Variants in ABL1 observed in about 807,000 individuals in gnomAD.
The protein encoded by ABL1 is tyrosine-protein kinase ABL1.
A neutral mutation model predicts 94.7 loss-of-function variants in ABL1; 11 were observed. The ratio of observed to expected loss-of-function variants is 0.12; its 90% CI spans 0.07 to 0.19. The LOEUF (loss-of-function observed/expected upper bound fraction) is 0.19, where lower values mean the gene tolerates loss of function less well. Among genes scored for constraint, ABL1 ranks in the 10% least tolerant of loss-of-function variants. ABL1 has a pLI of 1.00. For missense variants in ABL1, 1,082 were observed against 1,489.4 expected (o/e 0.73, Z 4.50); for synonymous variants, 656 against 622.4 (o/e 1.05, Z -0.80).
In ABL1 at chr9:130,884,066, C is replaced by G; in HGVS notation, c.1776C>G (p.Pro592=). The change falls in exon 11 of 11, where the codon CCC becomes CCG. Residue 592 remains proline (P), a synonymous_variant. Coordinates refer to ENST00000318560, the MANE Select transcript of ABL1 (RefSeq NM_005157.6). This position sits in a 1 kb window ranked among gnomAD's most constrained non-coding sequence, Gnocchi z 5.6. The stretch of plus-strand genomic sequence containing the variant: ...TGAATGAAGATGAGCGCCTTCTCCC[C>G]AAAGACAAAAAGACCAACTTGTTCA... ...GGLNEDERLL[P]KDKKTNLFSA... 1 of 1,613,924 alleles carries G rather than the reference C, an allele frequency of 6.2e-7. No individual in the cohort carries two copies. Among genetic ancestry groups the G allele is most frequent in the Non-Finnish European group, 8.5e-7 (1 of 1,180,040 alleles).
chr9:130,722,334 A>C (rs1408303170), intron 1 of ABL1, among the ~76,000 whole-genome samples: 1 of 152,132 alleles, frequency 6.6e-6, no homozygotes, highest in Non-Finnish European at 1.5e-5. Context: ...CAGAGATTGC[A>C]GTGAGCCAAG....
chr9:130,878,591 C>A, intron 8 of ABL1, 24 bp downstream of exon 8: 1 of 1,611,686 alleles, frequency 6.2e-7, no homozygotes, highest in South Asian at 1.1e-5. Context: ...AGCCTGTTCT[C>A]ACGAGTATAT....
At chr9:130,760,764 G>T (rs1832101780) in intron 1 of ABL1, among the ~76,000 whole-genome samples, 1 of 146,586 alleles carries the variant, frequency 6.8e-6, no homozygotes, top group South Asian at 2.2e-4. Flanking sequence ...CCAGGTTCAA[G>T]AGATTCTCCT....
In ABL1 at chr9:130,714,434, T is replaced by C. The variant is rs756814023; in HGVS notation, c.115T>C (p.Cys39Arg). Reference sequence around the variant, plus strand: ...ATCATCGAGGCATGGGGGTCCACACTGCAATGTTTTTGTGGAACATGGTGA... The same window carrying C: ...ATCATCGAGGCATGGGGGTCCACACCGCAATGTTTTTGTGGAACATGGTGA... The change falls in exon 1 of 11, where the codon TGC becomes CGC. Residue 39 changes from cysteine (C) to arginine (R), a missense_variant. Transcript: ENST00000372348. 3 of 1,614,216 alleles carry C rather than the reference T, an allele frequency of 1.9e-6. No homozygotes were observed. The South Asian group carries it at 3.3e-5, about 18-fold the overall frequency.
intron 7 of ABL1, among the ~76,000 whole-genome samples, chr9:130,877,095 G>C (rs1280609993): frequency 1.4e-5 from 2 of 148,016 alleles, no homozygotes; most frequent in Admixed American, 1.3e-4. Flanking sequence ...ATATATATCT[G>C]ATGTGTTTCA....
chr9:130,864,426 G>T (rs1405742806), intron 4 of ABL1, among the ~76,000 whole-genome samples: 1 of 152,032 alleles, frequency 6.6e-6, no homozygotes, highest in Non-Finnish European at 1.5e-5. Context: ...TGTATTTTTA[G>T]TAGAGATGGG....
intron 1 of ABL1, among the ~76,000 whole-genome samples, chr9:130,730,617 G>A (rs1831652335): frequency 6.6e-6 from 1 of 151,472 alleles, no homozygotes; most frequent in Non-Finnish European, 1.5e-5. Flanking sequence ...TGTTGCCCAG[G>A]CTGGAGTCCA....
At chr9:130,797,328 A>ACTTAG (rs1377011585) in intron 1 of ABL1, among the ~76,000 whole-genome samples, 6 of 150,680 alleles carry the variant, frequency 4.0e-5, no homozygotes, top group African/African-American at 9.7e-5. Flanking sequence ...TCTTTGGAGA[A>ACTTAG]CTTAGCTTAT....
chr9:130,874,739 A>C, intron 6 of ABL1, 129 bp from the exon 7 acceptor site: 1 of 962,504 alleles, frequency 1.0e-6, no homozygotes, highest in South Asian at 1.6e-5. Flanking sequence ...CGTGGGCATT[A>C]ATACAAACTT....
chr9:130,843,302 G>GAAGA (rs1830706452), intron 1 of ABL1, among the ~76,000 whole-genome samples: 1 of 152,196 alleles, frequency 6.6e-6, no homozygotes, highest in South Asian at 2.1e-4. Flanking sequence ...TGGCATAAGA[G>GAAGA]AAGACGCGGT....
chr9:130,864,807 A>G (rs1206733506), intron 4 of ABL1, among the ~76,000 whole-genome samples: 1 of 152,186 alleles, frequency 6.6e-6, no homozygotes, highest in Admixed American at 6.5e-5. Flanking sequence ...GACCCAAGAA[A>G]TGGGGCCTTG....
intron 1 of ABL1, among the ~76,000 whole-genome samples, chr9:130,736,679 CG>C (rs1439699005): frequency 1.3e-5 from 2 of 151,950 alleles, no homozygotes; most frequent in East Asian, 3.9e-4. Flanking sequence ...TTAGTAGAGA[CG>C]GGGTTTCTCC....
At chr9:130,777,977 CAG>C (rs1421806228) in intron 1 of ABL1, among the ~76,000 whole-genome samples, 1 of 128,848 alleles carries the variant, frequency 7.8e-6, no homozygotes, top group African/African-American at 3.1e-5. Context: ...AGGAACCTCT[CAG>C]GGCTTTGTGT....
intron 6 of ABL1, among the ~76,000 whole-genome samples, chr9:130,873,754 T>C (rs1057429566): frequency 3.3e-5 from 5 of 152,204 alleles, no homozygotes; most frequent in African/African-American, 1.2e-4. Context: ...CAGAGCCTGA[T>C]GGGCTTTGCT....
upstream of ABL1, among the ~76,000 whole-genome samples, chr9:130,832,656 T>C (rs1428153216): frequency 6.6e-6 from 1 of 152,218 alleles, no homozygotes; most frequent in East Asian, 1.9e-4. Flanking sequence ...ACATTAAAAA[T>C]GTATTTCTTC....
chr9:130,836,034 A>G (rs1312177741), intron 1 of ABL1, among the ~76,000 whole-genome samples: 1 of 152,262 alleles, frequency 6.6e-6, no homozygotes, highest in East Asian at 1.9e-4. Flanking sequence ...TCCATTAAGC[A>G]TCATGTACAC....
chr9:130,847,063 T>C (rs901226790), intron 1 of ABL1, among the ~76,000 whole-genome samples: 3 of 152,192 alleles, frequency 2.0e-5, no homozygotes, highest in Admixed American at 6.5e-5. Context: ...ATTTTTTAGA[T>C]GTATTACTGT....
chr9:130,727,492 G>T (rs1262716699), intron 1 of ABL1, among the ~76,000 whole-genome samples: 1 of 152,038 alleles, frequency 6.6e-6, no homozygotes, highest in Non-Finnish European at 1.5e-5. Context: ...GCCGGGCGTG[G>T]TGGCACACGC....
chr9:130,877,970 G>A (rs1376738447), intron 7 of ABL1, among the ~76,000 whole-genome samples: 2 of 147,098 alleles, frequency 1.4e-5, no homozygotes, highest in African/African-American at 2.7e-5. Context: ...CTACCACCAC[G>A]CCCGGCTAAT....
Sources: gnomAD v4.1 joint callset for allele counts (sites outside exome capture counted in the v4.1 genomes callset) on GRCh38, gnomAD v4.1.1 for gene constraint, Gnocchi (gnomAD v3.1) non-coding constraint, MANE v1.5 for transcripts, NCBI Gene and HGNC (gene_info 2026-07-23, HGNC 2026-07-21) for gene names.